Variants in EMILIN2 observed in about 807,000 individuals in gnomAD.
The protein encoded by EMILIN2 is elastin microfibril interfacer 2, also known as EMILIN-2.
A neutral mutation model predicts 87.1 loss-of-function variants in EMILIN2; 71 were observed. The ratio of observed to expected loss-of-function variants is 0.82; its 90% confidence interval spans 0.67 to 0.99. The LOEUF (loss-of-function observed/expected upper bound fraction) is 0.99, where lower values mean the gene tolerates loss of function less well. Ranked by LOEUF, EMILIN2 falls within the 50% of genes least tolerant of loss-of-function variation. EMILIN2 has a pLI of 0.00. For synonymous variants in EMILIN2, 581 were observed against 563.4 expected (o/e 1.03, Z -0.44); for missense variants, 1,407 against 1,371.8 (o/e 1.03, Z -0.40).
Position 2,861,708 on chromosome 18 carries a change from C to T in EMILIN2, c.257+13777C>T, listed in dbSNP as rs966340953. ...TTCTTTTGGCTTAGGATTGACTTGG[C>T]GATGCAGGCTCTTTTTTGGTTCCAT... On this transcript the variant is annotated intron_variant, in intron 2 of 7. Coordinates refer to ENST00000254528, the MANE Select transcript of EMILIN2 (RefSeq NM_032048.3). Among the ~76,000 whole-genome samples, 92 of 152,190 alleles carry T rather than the reference C, an allele frequency of 6.0e-4. No homozygotes were observed. The East Asian group carries it at 9.4e-3, about 16-fold the overall frequency.
At chr18:2,888,481 C>G (rs980550054) in intron 3 of EMILIN2, among the ~76,000 whole-genome samples, 1 of 151,736 alleles carries the variant, frequency 6.6e-6, no homozygotes, top group African/African-American at 2.4e-5. Flanking sequence ...TTTGGGAGGC[C>G]GAGGCGGGTG....
intron 2 of EMILIN2, among the ~76,000 whole-genome samples, chr18:2,876,634 C>G (rs74505364): frequency 7.0e-6 from 1 of 143,884 alleles, no homozygotes; most frequent in Admixed American, 6.9e-5. Flanking sequence ...GGTGTGGTGG[C>G]GGGCGCCTGT....
intron 7 of EMILIN2, among the ~76,000 whole-genome samples, chr18:2,911,751 C>T (rs1289648448): frequency 6.6e-6 from 1 of 152,166 alleles, no homozygotes; most frequent in Non-Finnish European, 1.5e-5. Flanking sequence ...GGGACTGTGA[C>T]CTATAGTCTC....
chr18:2,873,758 C>G (rs962368899), intron 2 of EMILIN2, among the ~76,000 whole-genome samples: 1 of 152,036 alleles, frequency 6.6e-6, no homozygotes, highest in Admixed American at 6.6e-5. Context: ...AAATCGTGAA[C>G]AGATGTCAGT....
Position 2,914,817 on chromosome 18 carries a change from A to AAG in EMILIN2, c.*1415_*1416dup. ...CCCCGCCACAGCTAGGAAGACCAGCAAGAACTAAAGGTTTGCCGTTTTACT... is the reference window on the plus strand; with the variant it reads ...CCCCGCCACAGCTAGGAAGACCAGCAAGAGAACTAAAGGTTTGCCGTTTTACT... On this transcript the variant is annotated 3_prime_UTR_variant, in exon 8 of 8. Transcript: ENST00000254528. The AAG allele has an allele frequency of 6.6e-6, 1 of 152,370 alleles. No individual in the cohort carries two copies. Among genetic ancestry groups the AAG allele is most frequent in the African/African-American group, 2.4e-5 (1 of 41,592 alleles). 9.4% of individuals were successfully genotyped at this position (152,370 alleles called of 1,614,324 possible).
intron 4 of EMILIN2, among the ~76,000 whole-genome samples, chr18:2,899,957 T>C (rs1413650473): frequency 6.6e-6 from 1 of 152,224 alleles, no homozygotes; most frequent in East Asian, 1.9e-4. Flanking sequence ...TAAAGCTGTA[T>C]TTATATTTCA....
chr18:2,877,437 T>G (rs1441085679), intron 2 of EMILIN2, among the ~76,000 whole-genome samples: 2 of 380 alleles, frequency 5.3e-3, no homozygotes, highest in Non-Finnish European at 0.019. Flanking sequence ...TGACTGACAG[T>G]TTTTTTTTTT....
rs2076582151 is a variant in EMILIN2 at position 2,847,689 on chromosome 18, G to A, written c.135-120G>A. The A allele has an allele frequency of 2.1e-6, 3 of 1,432,040 alleles. No homozygotes were observed. Among genetic ancestry groups the A allele is most frequent in the South Asian group, 1.4e-5 (1 of 70,646 alleles). The allele number at this position is 1,432,040 out of a possible 1,614,324, so 88.7% of individuals were successfully genotyped here. Reference sequence around the variant, plus strand: ...TCTGCTCGGTGAAGCTCCCGCCTCCGCAGAGGGCGACGGGCCCCCCCGACC... The same window carrying A: ...TCTGCTCGGTGAAGCTCCCGCCTCCACAGAGGGCGACGGGCCCCCCCGACC... On this transcript the variant is annotated intron_variant, in intron 1 of 7. Transcript: ENST00000254528. The surrounding 1 kb of genome is among the most constrained non-coding windows in gnomAD (Gnocchi z 4.5).
At chr18:2,873,755 G>C (rs1168427308) in intron 2 of EMILIN2, among the ~76,000 whole-genome samples, 1 of 152,052 alleles carries the variant, frequency 6.6e-6, no homozygotes, top group Non-Finnish European at 1.5e-5. Flanking sequence ...AAAAAATCGT[G>C]AACAGATGTC....
At chr18:2,912,371 C>T (rs768342566) in intron 7 of EMILIN2, among the ~76,000 whole-genome samples, 24 of 152,112 alleles carry the variant, frequency 1.6e-4, no homozygotes, top group Non-Finnish European at 2.9e-4. Flanking sequence ...CTGGGCCCTC[C>T]GCTTTATGTC....
chr18:2,881,980 C>CTG (rs1322185943), intron 2 of EMILIN2, among the ~76,000 whole-genome samples: 1 of 152,204 alleles, frequency 6.6e-6, no homozygotes, highest in Non-Finnish European at 1.5e-5. Flanking sequence ...TTAGGGCCTT[C>CTG]TGGAACATCT....
At chr18:2,858,437 C>A (rs1200695201) in intron 2 of EMILIN2, among the ~76,000 whole-genome samples, 1 of 146,152 alleles carries the variant, frequency 6.8e-6, no homozygotes, top group Non-Finnish European at 1.5e-5. Context: ...TGAGTTACTT[C>A]ATTTAGAATA....
intron 4 of EMILIN2, among the ~76,000 whole-genome samples, chr18:2,901,662 T>A (rs1435253576): frequency 6.6e-6 from 1 of 152,202 alleles, no homozygotes; most frequent in African/African-American, 2.4e-5. Context: ...CAACCTTGGC[T>A]CTTATGAAGA....
chr18:2,851,829 G>A (rs1442396372), intron 2 of EMILIN2, among the ~76,000 whole-genome samples: 2 of 152,166 alleles, frequency 1.3e-5, no homozygotes, highest in Admixed American at 1.3e-4. Context: ...CCATGTTAGG[G>A]CTTTCCATTC....
chr18:2,865,675 G>C (rs1337597226), intron 2 of EMILIN2, among the ~76,000 whole-genome samples: 1 of 152,212 alleles, frequency 6.6e-6, no homozygotes, highest in African/African-American at 2.4e-5. Flanking sequence ...ACTTGAGGAG[G>C]CAGTCTGTCC....
chr18:2,884,743 G>A (rs2076794765), intron 2 of EMILIN2, among the ~76,000 whole-genome samples: 1 of 152,150 alleles, frequency 6.6e-6, no homozygotes, highest in Admixed American at 6.5e-5. Context: ...GGGTGCTCAG[G>A]GCAGGTGGAG....
chr18:2,904,026 T>A (rs1162377107), intron 4 of EMILIN2, among the ~76,000 whole-genome samples: 1 of 152,234 alleles, frequency 6.6e-6, no homozygotes, highest in Non-Finnish European at 1.5e-5. Flanking sequence ...TGGCATTTTA[T>A]AATTTTTTAA....
At chr18:2,883,191 C>T (rs539564744) in intron 2 of EMILIN2, among the ~76,000 whole-genome samples, 1 of 150,212 alleles carries the variant, frequency 6.7e-6, no homozygotes, top group East Asian at 1.9e-4. Flanking sequence ...GATCCTATAC[C>T]CAGAGTGTAA....
rs182985466 is a variant in EMILIN2, at chr18:2,861,191, C to G, written c.257+13260C>G. 1.9e-3 allele frequency among the ~76,000 whole-genome samples: 293 copies of G among 152,234 alleles called. 2 individuals are homozygous for G. The highest frequency in any genetic ancestry group is 6.5e-3 in the African/African-American group (270 of 41,540). On this transcript the variant is annotated intron_variant, in intron 2 of 7. Transcript: ENST00000254528. Reference sequence around the variant, plus strand: ...TCTCCCATTCTGTAGGTTGCCTGTTCACTCTGACGGTAGTTTCTTTTGCTG... The same window carrying G: ...TCTCCCATTCTGTAGGTTGCCTGTTGACTCTGACGGTAGTTTCTTTTGCTG...
Sources: gnomAD v4.1 joint callset for allele counts (sites outside exome capture counted in the v4.1 genomes callset) on GRCh38, gnomAD v4.1.1 for gene constraint, Gnocchi (gnomAD v3.1) non-coding constraint, MANE v1.5 for transcripts, NCBI Gene and HGNC (gene_info 2026-07-23, HGNC 2026-07-21) for gene names.